Variants in ADCK1 observed in about 807,000 individuals in gnomAD.
The protein encoded by ADCK1 is aarF domain containing kinase 1, also known as aarF domain-containing protein kinase 1.
A neutral mutation model predicts 52.3 loss-of-function variants in ADCK1; 41 were observed. That is an observed-to-expected ratio of 0.78 (90% CI 0.61 to 1.02). ADCK1 has a LOEUF of 1.02. Among genes scored for constraint, ADCK1 ranks in the 50% least tolerant of loss-of-function variants. The pLI is 0.00. For synonymous variants in ADCK1, 250 were observed against 274.6 expected (o/e 0.91, Z 0.89); for missense variants, 658 against 679.5 (o/e 0.97, Z 0.35).
chr14:77,804,644 AT>A (rs1404469977), intron 1 of ADCK1, among the ~76,000 whole-genome samples: 1 of 151,874 alleles, frequency 6.6e-6, no homozygotes, highest in Non-Finnish European at 1.5e-5. Flanking sequence ...TTGGTGATGA[AT>A]TGTCAGCCCA....
intron 1 of ADCK1, among the ~76,000 whole-genome samples, chr14:77,803,315 T>C (rs2081151358): frequency 6.6e-6 from 1 of 152,086 alleles, no homozygotes. Context: ...TTCTCTGTGG[T>C]AATTCTCATT....
intron 5 of ADCK1, among the ~76,000 whole-genome samples, chr14:77,891,093 T>C (rs1013501614): frequency 6.6e-6 from 1 of 151,016 alleles, no homozygotes; most frequent in Middle Eastern, 3.2e-3. Context: ...GGCAGCAGAG[T>C]GTGTAGCAGC....
chr14:77,924,478 A>G lies in ADCK1; in HGVS notation c.880A>G (p.Met294Val). 1 of 1,614,054 alleles carries G rather than the reference A, an allele frequency of 6.2e-7. No homozygotes were observed. The highest frequency in any genetic ancestry group is 8.5e-7 in the Non-Finnish European group (1 of 1,180,014). The stretch of plus-strand genomic sequence containing the variant: ...TCAGATCTCACGCCACCTGGGCAAG[A>G]TGTATAGTGAGATGATCTTCGTCAA... ...VNEISRHLGK[M>V]YSEMIFVNGF... The change falls in exon 8 of 11, where the codon ATG (methionine) becomes GTG (valine). Residue 294 changes from methionine to valine, a missense_variant. Physicochemically the swap from Met to Val is conservative, Grantham distance 21 (BLOSUM62 1). Coordinates refer to ENST00000238561, the MANE Select transcript of ADCK1 (RefSeq NM_020421.4).
intron 1 of ADCK1, among the ~76,000 whole-genome samples, chr14:77,818,007 G>C (rs1426740789): frequency 1.3e-5 from 2 of 151,976 alleles, no homozygotes; most frequent in Non-Finnish European, 1.5e-5. Flanking sequence ...CAAAGTGCTG[G>C]GATTACAGGC....
At chr14:77,895,560 A>G (rs895551997) in intron 5 of ADCK1, among the ~76,000 whole-genome samples, 4 of 152,234 alleles carry the variant, frequency 2.6e-5, no homozygotes, top group Non-Finnish European at 5.9e-5. Flanking sequence ...ATTGATAACA[A>G]CACCTGTTTT....
chr14:77,910,667 G>C (rs1259664352), intron 7 of ADCK1, among the ~76,000 whole-genome samples: 1 of 152,178 alleles, frequency 6.6e-6, no homozygotes, highest in Non-Finnish European at 1.5e-5. Context: ...GAGCCGTAAT[G>C]GTGTTTAATC....
intron 4 of ADCK1, among the ~76,000 whole-genome samples, chr14:77,878,341 TTACA>T (rs2082943900): frequency 6.6e-6 from 1 of 152,262 alleles, no homozygotes; most frequent in Admixed American, 6.5e-5. Flanking sequence ...GGGTTGAGAA[TTACA>T]TACGAGCATT....
At position 77,819,087 on chromosome 14, in the gene ADCK1, G is replaced by C; in HGVS notation, c.109G>C (p.Val37Leu). The stretch of plus-strand genomic sequence containing the variant: ...CTTGGACCCTAATGACTTTGGCGCT[G>C]TCAGGGTGGGCAGAGCAGTTGCTAC... ...KYLDPNDFGA[V>L]RVGRAVATTA... The change falls in exon 2 of 11, where the codon GTC (valine) becomes CTC (leucine). Residue 37 changes from valine (V) to leucine (L), a missense_variant. By Grantham distance (32) the Val-to-Leu change is conservative (BLOSUM62 1). Coordinates refer to ENST00000238561, the MANE Select transcript of ADCK1 (RefSeq NM_020421.4). 6.2e-7 allele frequency: 1 copy of C among 1,612,844 alleles called. No homozygotes were observed. Among genetic ancestry groups the C allele is most frequent in the Non-Finnish European group, 8.5e-7 (1 of 1,179,784 alleles).
At chr14:77,889,181 CT>C (rs1233308960) in intron 5 of ADCK1, among the ~76,000 whole-genome samples, 1 of 152,232 alleles carries the variant, frequency 6.6e-6, no homozygotes, top group African/African-American at 2.4e-5. Context: ...CATTAAACCT[CT>C]TTCTTTTATA....
intron 3 of ADCK1, among the ~76,000 whole-genome samples, chr14:77,851,264 C>T (rs191062578): frequency 5.4e-4 from 82 of 151,940 alleles, no homozygotes; most frequent in Non-Finnish European, 8.1e-4. Context: ...ACTACAGGTG[C>T]GTGCCACCAC....
At chr14:77,881,685 A>T (rs1325483417) in intron 4 of ADCK1, among the ~76,000 whole-genome samples, 1 of 152,122 alleles carries the variant, frequency 6.6e-6, no homozygotes, top group Non-Finnish European at 1.5e-5. Context: ...TAAAGACAGA[A>T]TCTTGCTATG....
chr14:77,890,759 A>C (rs758865674), intron 5 of ADCK1, among the ~76,000 whole-genome samples: 2 of 152,238 alleles, frequency 1.3e-5, no homozygotes, highest in Non-Finnish European at 2.9e-5. Flanking sequence ...ATTGAGACTC[A>C]AGAAAGTGGA....
At chr14:77,854,856 AGGAG>A (rs779681066) in intron 3 of ADCK1, among the ~76,000 whole-genome samples, 1 of 152,186 alleles carries the variant, frequency 6.6e-6, no homozygotes, top group African/African-American at 2.4e-5. Context: ...ACCCACTCAC[AGGAG>A]TGTGCTTTTC....
chr14:77,917,476 T>C (rs551326292), intron 7 of ADCK1, among the ~76,000 whole-genome samples: 6 of 152,330 alleles, frequency 3.9e-5, no homozygotes, highest in African/African-American at 1.4e-4. Context: ...AATAAATTAA[T>C]CCATGTAATT....
chr14:77,924,600 T>C lies in ADCK1; in HGVS notation c.1002T>C (p.Leu334=). The C allele has an allele frequency of 1.9e-6, 3 of 1,613,044 alleles. No homozygotes were observed. In the African/African-American group the frequency reaches 4.0e-5, roughly 21 times the overall value. The change falls in exon 8 of 11, where the codon CTT becomes CTC. Residue 334 remains leucine, a synonymous_variant. Transcript: ENST00000238561. ...AGATTGTCCTGTTGGACCATGGGCTTTACCAGGTAGAAGAGGCCTTTGTTA... is the reference window on the plus strand; with the variant it reads ...AGATTGTCCTGTTGGACCATGGGCTCTACCAGGTAGAAGAGGCCTTTGTTA... ...KAEIVLLDHG[L]YQMLTEEFRL... is the part of the protein sequence containing the mutation.
chr14:77,876,151 G>C (rs2082894119), intron 4 of ADCK1, among the ~76,000 whole-genome samples: 1 of 152,204 alleles, frequency 6.6e-6, no homozygotes, highest in Non-Finnish European at 1.5e-5. Flanking sequence ...CCAGCAGTCT[G>C]AAAATTAAGG....
intron 3 of ADCK1, among the ~76,000 whole-genome samples, chr14:77,827,080 A>G (rs907809776): frequency 1.3e-5 from 2 of 152,060 alleles, no homozygotes; most frequent in African/African-American, 2.4e-5. Context: ...TTGGCTGGGC[A>G]CGGTGGCTCA....
At chr14:77,863,436 T>A (rs1017133333) in intron 4 of ADCK1, among the ~76,000 whole-genome samples, 1 of 151,980 alleles carries the variant, frequency 6.6e-6, no homozygotes, top group African/African-American at 2.4e-5. Context: ...CACTATGCTG[T>A]TATCTTTGGT....
Position 77,819,054 on chromosome 14 carries a change from A to C in ADCK1, c.76A>C (p.Asn26His), listed in dbSNP as rs1321751186. Reference protein sequence around the residue: ...LAASGIYFYSNKYLDPNDFGA... With the variant: ...LAASGIYFYSHKYLDPNDFGA... Reference sequence around the variant, plus strand: ...TGCCTCTGGCATCTACTTCTACAGTAACAAGTACTTGGACCCTAATGACTT... The same window carrying C: ...TGCCTCTGGCATCTACTTCTACAGTCACAAGTACTTGGACCCTAATGACTT... The change falls in exon 2 of 11, where the codon AAC becomes CAC. Residue 26 changes from asparagine to histidine, a missense_variant. Physicochemically the swap from Asn to His is moderately conservative, Grantham distance 68. Coordinates refer to ENST00000238561, the MANE Select transcript of ADCK1 (RefSeq NM_020421.4). 1 of 1,614,080 alleles carries C rather than the reference A, an allele frequency of 6.2e-7. No individual in the cohort carries two copies. Among genetic ancestry groups the C allele is most frequent in the Non-Finnish European group, 8.5e-7 (1 of 1,180,044 alleles).
Sources: gnomAD v4.1 joint callset for allele counts (sites outside exome capture counted in the v4.1 genomes callset) on GRCh38, gnomAD v4.1.1 for gene constraint, MANE v1.5 for transcripts, NCBI Gene and HGNC (gene_info 2026-07-23, HGNC 2026-07-21) for gene names.